Variants in PALM2AKAP2 observed in about 807,000 individuals in gnomAD.
The protein encoded by PALM2AKAP2 is PALM2 and AKAP2 fusion, also known as PALM2-AKAP2 fusion protein.
In PALM2AKAP2, 37 loss-of-function variants were observed where a neutral mutation model predicts 71.5. That is an observed-to-expected ratio of 0.52 (90% confidence interval 0.40 to 0.68). PALM2AKAP2 has a LOEUF of 0.68. Among genes scored for constraint, PALM2AKAP2 ranks in the 30% least tolerant of loss-of-function variants. The probability of loss-of-function intolerance (pLI) is 0.00; values close to 1 mark genes in which losing one functional copy is unlikely to be tolerated. For missense variants in PALM2AKAP2, 1,224 were observed against 1,191.8 expected, an observed-to-expected ratio of 1.03 and a Z score of -0.40; for synonymous variants, 468 against 478.8, an observed-to-expected ratio of 0.98 and a Z score of 0.29.
At chr9:109,948,300 C>T (rs1237387435) in intron 6 of PALM2AKAP2, among the ~76,000 whole-genome samples, 1 of 152,148 alleles carries the variant, frequency 6.6e-6, no homozygotes, top group Non-Finnish European at 1.5e-5. Flanking sequence ...TACCAGGGCT[C>T]CTTAGACCAG....
intron 6 of PALM2AKAP2, among the ~76,000 whole-genome samples, chr9:109,984,696 C>T (rs928204248): frequency 7.3e-6 from 1 of 136,694 alleles, no homozygotes; most frequent in African/African-American, 2.7e-5. Flanking sequence ...AGCTCTATAA[C>T]TTTTTTTTTT....
At chr9:110,034,604 CTT>C (rs57708385) in intron 7 of PALM2AKAP2, among the ~76,000 whole-genome samples, 75 of 118,318 alleles carry the variant, frequency 6.3e-4, no homozygotes, top group Non-Finnish European at 1.1e-3. Flanking sequence ...ATATATTCCC[CTT>C]TTTTTTTTTT....
At chr9:110,138,259 C>T in exon 2 of PALM2AKAP2, 1 of 1,614,178 alleles carries the variant, frequency 6.2e-7, no homozygotes, top group Non-Finnish European at 8.5e-7. Flanking sequence ...TGGAGGAGAC[C>T]AGGCCCGAAG....
intron 1 of PALM2AKAP2, among the ~76,000 whole-genome samples, chr9:109,642,783 C>A (rs1043237378): frequency 1.1e-4 from 16 of 151,420 alleles, no homozygotes; most frequent in African/African-American, 3.6e-4. Context: ...AACTCCTGGG[C>A]TCAAGCAATC....
intron 1 of PALM2AKAP2, among the ~76,000 whole-genome samples, chr9:109,660,638 A>G (rs531050435): frequency 1.2e-3 from 179 of 152,250 alleles, no homozygotes; most frequent in African/African-American, 4.1e-3. Flanking sequence ...TCTATTGTGA[A>G]TAGTGCCGCA....
intron 1 of PALM2AKAP2, among the ~76,000 whole-genome samples, chr9:110,067,000 G>A (rs749255861): frequency 3.9e-5 from 6 of 151,968 alleles, no homozygotes; most frequent in Non-Finnish European, 8.8e-5. Flanking sequence ...CTCTTCATTT[G>A]GTTTTATCAG....
At chr9:109,834,788 T>C (rs1828410665) in intron 1 of PALM2AKAP2, among the ~76,000 whole-genome samples, 1 of 152,168 alleles carries the variant, frequency 6.6e-6, no homozygotes, top group Admixed American at 6.5e-5. Flanking sequence ...AACTGAGTCT[T>C]AGCAAACATG....
chr9:110,030,659 G>A (rs1295397080), intron 7 of PALM2AKAP2, among the ~76,000 whole-genome samples: 6 of 152,260 alleles, frequency 3.9e-5, no homozygotes, highest in African/African-American at 7.2e-5. Flanking sequence ...CTCCTATCTC[G>A]ATAAATTATC....
rs1833806983 is a variant in PALM2AKAP2, at chr9:110,055,171, T to TG, written c.156+6316_156+6317insG. On this transcript the variant is annotated intron_variant, in intron 1 of 3. Transcript: ENST00000374525. ...CAGAACCATAATCCTAGTTTTTTAGTTTTTTTTTTTAAATTTTTATTTATT... is the reference window on the plus strand; with the variant it reads ...CAGAACCATAATCCTAGTTTTTTAGTGTTTTTTTTTTAAATTTTTATTTATT... 2.1e-4 allele frequency among the ~76,000 whole-genome samples: 14 copies of TG among 67,820 alleles called. No individual in the cohort carries two copies. In the South Asian group the frequency reaches 8.8e-3, roughly 42 times the overall value. The allele number at this position is 67,820 out of a possible 152,430, so 44.5% of individuals were successfully genotyped here. A position where few individuals can be genotyped will look rare whatever the true frequency, so the allele number is the denominator to read the frequency against.
intron 2 of PALM2AKAP2, among the ~76,000 whole-genome samples, chr9:110,153,919 G>T (rs1836382884): frequency 6.6e-6 from 1 of 152,234 alleles, no homozygotes; most frequent in African/African-American, 2.4e-5. Context: ...TAGAAGCAAT[G>T]AATATAGGCT....
At chr9:109,877,198 T>C (rs917354755) in intron 2 of PALM2AKAP2, among the ~76,000 whole-genome samples, 2 of 152,130 alleles carry the variant, frequency 1.3e-5, no homozygotes, top group Non-Finnish European at 2.9e-5. Context: ...TATCTGTGGT[T>C]TGGACATCTT....
At chr9:109,954,679 AAAGAAGT>A (rs1447462707) in intron 6 of PALM2AKAP2, among the ~76,000 whole-genome samples, 6 of 140,240 alleles carry the variant, frequency 4.3e-5, no homozygotes, top group African/African-American at 1.7e-4. Flanking sequence ...AAAAAAAAAA[AAAGAAGT>A]TAAGGTTGCA....
At chr9:109,969,815 C>T (rs1832031404) in intron 6 of PALM2AKAP2, among the ~76,000 whole-genome samples, 1 of 152,014 alleles carries the variant, frequency 6.6e-6, no homozygotes, top group Admixed American at 6.6e-5. Context: ...AGCCTACAGC[C>T]CCTCCCCTCT....
At chr9:109,832,259 A>G (rs1054199348) in intron 1 of PALM2AKAP2, among the ~76,000 whole-genome samples, 2 of 152,248 alleles carry the variant, frequency 1.3e-5, no homozygotes, top group Non-Finnish European at 2.9e-5. Context: ...GCCTACGTTC[A>G]AGTCCTCTCT....
At chr9:109,967,245 A>G (rs1366993651) in intron 6 of PALM2AKAP2, among the ~76,000 whole-genome samples, 1 of 152,062 alleles carries the variant, frequency 6.6e-6, no homozygotes, top group African/African-American at 2.4e-5. Context: ...GGGGCTCTTC[A>G]CAGCTCAGCA....
intron 1 of PALM2AKAP2, among the ~76,000 whole-genome samples, chr9:109,730,701 G>A (rs754444544): frequency 7.2e-5 from 11 of 152,120 alleles, no homozygotes; most frequent in Admixed American, 6.6e-5. Context: ...ATAAGTTTAG[G>A]ATATGAATAA....
At chr9:110,031,932 C>T (rs1833284992) in intron 7 of PALM2AKAP2, among the ~76,000 whole-genome samples, 1 of 152,110 alleles carries the variant, frequency 6.6e-6, no homozygotes, top group South Asian at 2.1e-4. Flanking sequence ...GTTCTTCAGG[C>T]TGGCCCATGA....
intron 3 of PALM2AKAP2, among the ~76,000 whole-genome samples, chr9:109,906,183 C>T (rs929770787): frequency 2.6e-5 from 4 of 152,120 alleles, no homozygotes; most frequent in Non-Finnish European, 4.4e-5. Context: ...CAATCTACTT[C>T]TGGTCATAGT....
intron 3 of PALM2AKAP2, among the ~76,000 whole-genome samples, chr9:109,884,970 A>C (rs536145240): frequency 6.6e-6 from 1 of 152,332 alleles, no homozygotes; most frequent in African/African-American, 2.4e-5. Flanking sequence ...CAGAACTTCA[A>C]GTGTATGTAG....
Sources: gnomAD v4.1 joint callset for allele counts (sites outside exome capture counted in the v4.1 genomes callset) on GRCh38, gnomAD v4.1.1 for gene constraint, MANE v1.5 for transcripts, NCBI Gene and HGNC (gene_info 2026-07-23, HGNC 2026-07-21) for gene names.